PTPRF: variants seen among roughly 807,000 people sequenced by gnomAD.
PTPRF encodes protein tyrosine phosphatase receptor type F.
PTPRF carries 59 observed loss-of-function variants against 201.8 expected under a neutral mutation model. The ratio of observed to expected loss-of-function variants is 0.29; its 90% CI spans 0.24 to 0.36. PTPRF has a LOEUF of 0.36. Ranked by LOEUF, PTPRF falls within the 10% of genes least tolerant of loss-of-function variation. PTPRF has a pLI of 1.00. For synonymous variants in PTPRF, 1,088 were observed against 1,089.7 expected (o/e 1.00, Z 0.03); for missense variants, 2,132 against 2,690.5 (o/e 0.79, Z 4.59).
rs752563491 is a variant in PTPRF, at chr1:43,603,547, C to G, written c.2458+14C>G. 5.0e-6 allele frequency: 8 copies of G among 1,613,000 alleles called. No individual in the cohort carries two copies. The highest frequency in any genetic ancestry group is 6.8e-6 in the Non-Finnish European group (8 of 1,179,522). On this transcript the variant is annotated intron_variant, in intron 15 of 33. Transcript: ENST00000359947. This position sits in a 1 kb window ranked among gnomAD's most constrained non-coding sequence, Gnocchi z 5.8. Reference sequence around the variant, plus strand: ...CAACAGGTGCAGGTGAGTGAGGGGTCAGGACGGACCTGAGGGTGGGGCAGC... The same window carrying G: ...CAACAGGTGCAGGTGAGTGAGGGGTGAGGACGGACCTGAGGGTGGGGCAGC...
chr1:43,525,471 T>C (rs1643069858), upstream of PTPRF, among the ~76,000 whole-genome samples: 1 of 152,192 alleles, frequency 6.6e-6, no homozygotes, highest in Admixed American at 6.5e-5. Context: ...GCCCAGCCAT[T>C]AGCTTTGGCA....
chr1:43,558,193 A>G (rs937306070), intron 5 of PTPRF, among the ~76,000 whole-genome samples: 1 of 152,122 alleles, frequency 6.6e-6, no homozygotes, highest in Non-Finnish European at 1.5e-5. Flanking sequence ...TGAGTTGCAC[A>G]CAGCTCTCCC....
intron 5 of PTPRF, among the ~76,000 whole-genome samples, chr1:43,565,824 G>C (rs929187802): frequency 6.6e-6 from 1 of 152,184 alleles, no homozygotes; most frequent in Non-Finnish European, 1.5e-5. Flanking sequence ...GCGGTGCCAG[G>C]GCGGACAGCG....
At chr1:43,613,217 G>T in intron 22 of PTPRF, 1 of 318,356 alleles carries the variant, frequency 3.1e-6, no homozygotes, top group East Asian at 8.1e-5. Flanking sequence ...GTCTCCCATG[G>T]TGACTGCCAC....
At chr1:43,543,205 A>G (rs1452680501) in intron 2 of PTPRF, among the ~76,000 whole-genome samples, 3 of 152,216 alleles carry the variant, frequency 2.0e-5, no homozygotes, top group Non-Finnish European at 4.4e-5. Flanking sequence ...AGAGCCACTC[A>G]TAGTCCACCA....
chr1:43,562,125 T>C (rs1464218207), intron 5 of PTPRF, among the ~76,000 whole-genome samples: 1 of 152,068 alleles, frequency 6.6e-6, no homozygotes, highest in African/African-American at 2.4e-5. Context: ...GTTTTTTTTT[T>C]TGAGATGGTG....
In PTPRF at chr1:43,619,326, A is replaced by G; in HGVS notation, c.4685A>G (p.Asp1562Gly). 6.2e-7 allele frequency: 1 copy of G among 1,613,788 alleles called. No homozygotes were observed. The highest frequency in any genetic ancestry group is 8.5e-7 in the Non-Finnish European group (1 of 1,180,000). The change falls in exon 28 of 34, where the codon GAT (aspartate) becomes GGT (glycine). Residue 1562 changes from aspartate to glycine, a missense_variant. Around this residue, in one of 6 missense-constraint regions of PTPRF, gnomAD observed 519 missense variants for 659.5 expected, o/e 0.79. Coordinates refer to ENST00000359947, the MANE Select transcript of PTPRF (RefSeq NM_002840.5). The part of the protein sequence containing the change: ...VGRTGCFIVI[D>G]AMLERMKHEK... ...CGCACCGGCTGCTTCATCGTGATTG[A>G]TGCCATGTTGGAGCGGATGAAGCAC...
At chr1:43,617,308 C>T (rs1355718197) in intron 23 of PTPRF, 137 bp from the exon 24 acceptor site, 21 of 1,271,598 alleles carry the variant, frequency 1.7e-5, no homozygotes, top group Middle Eastern at 5.4e-4. Context: ...GCTGGCACCA[C>T]GAGATAGAGG....
At chr1:43,558,498 G>A (rs1645550136) in intron 5 of PTPRF, among the ~76,000 whole-genome samples, 1 of 152,172 alleles carries the variant, frequency 6.6e-6, no homozygotes, top group African/African-American at 2.4e-5. Flanking sequence ...TGCATACGAG[G>A]TGGGGGTGCC....
intron 26 of PTPRF, 117 bp from the exon 27 acceptor site, chr1:43,618,931 G>T (rs1658512868): frequency 2.7e-6 from 4 of 1,467,184 alleles, no homozygotes; most frequent in Non-Finnish European, 3.7e-6. Context: ...GCTACTCTGT[G>T]TGGCTTCTGA....
chr1:43,589,806 G>A (rs1373226121), intron 8 of PTPRF, among the ~76,000 whole-genome samples: 1 of 151,124 alleles, frequency 6.6e-6, no homozygotes, highest in Non-Finnish European at 1.5e-5. Flanking sequence ...AGGCTACAGT[G>A]ACGCAGTGAG....
In PTPRF at chr1:43,613,678, A is replaced by T. The variant is rs202114940; in HGVS notation, c.4034A>T (p.Lys1345Ile). 2 of 1,614,158 alleles carry T rather than the reference A, an allele frequency of 1.2e-6. No individual in the cohort carries two copies. The highest frequency in any genetic ancestry group is 2.2e-5 in the East Asian group (1 of 44,884). ...CTGGCGGACAACATCGAGCGCCTCAAAGCCAACGATGGCCTCAAGTTCTCC... is the reference window on the plus strand; with the variant it reads ...CTGGCGGACAACATCGAGCGCCTCATAGCCAACGATGGCCTCAAGTTCTCC... Reference protein sequence around the residue: ...TDLADNIERLKANDGLKFSQE... With the variant: ...TDLADNIERLIANDGLKFSQE... Residue 1345 changes from lysine (K) to isoleucine (I), a missense_variant, in exon 23 of 34, where the codon AAA becomes ATA. Coordinates refer to ENST00000359947, the MANE Select transcript of PTPRF (RefSeq NM_002840.5).
In PTPRF at chr1:43,588,424, T is replaced by C. The variant is rs1408594404; in HGVS notation, c.680-307T>C. On this transcript the variant is annotated intron_variant, in intron 7 of 33. Transcript: ENST00000359947. The surrounding 1 kb of genome is among the most constrained non-coding windows in gnomAD (Gnocchi z 5.3). ...CTTGTACTGAGTCCCTGTGTGACCC[T>C]GGGCAGACAGGACCTTCCTGACAGG... is the stretch of plus-strand genomic sequence containing the variant. Among the ~76,000 whole-genome samples, 1 of 152,184 alleles carries C rather than the reference T, an allele frequency of 6.6e-6. No homozygotes were observed.
chr1:43,535,956 G>C (rs1570888880), intron 1 of PTPRF, among the ~76,000 whole-genome samples: 1 of 152,080 alleles, frequency 6.6e-6, no homozygotes, highest in East Asian at 1.9e-4. Context: ...TTTTTTTAGA[G>C]ACAGGGTTTT....
At chr1:43,618,091 G>A (rs1379208079) in intron 25 of PTPRF, among the ~76,000 whole-genome samples, 180 bp downstream of exon 25, 2 of 152,210 alleles carry the variant, frequency 1.3e-5, no homozygotes, top group East Asian at 3.8e-4. Flanking sequence ...GATACAGCAT[G>A]TTCCCCACAT....
intron 7 of PTPRF, chr1:43,579,226 C>T (rs759839780): frequency 4.2e-5 from 25 of 594,560 alleles, no homozygotes; most frequent in Middle Eastern, 5.3e-4. Context: ...CCATCCAATC[C>T]GACTTCTTGG....
At chr1:43,607,110 A>C (rs1335851047) in intron 21 of PTPRF, 142 bp downstream of exon 21, 1 of 1,174,760 alleles carries the variant, frequency 8.5e-7, no homozygotes, top group African/African-American at 1.5e-5. Flanking sequence ...CAGGAAGGGC[A>C]GGAGCAGTGT....
intron 6 of PTPRF, chr1:43,576,040 C>T: frequency 9.8e-7 from 1 of 1,021,392 alleles, no homozygotes. Context: ...TCTTCAGCCT[C>T]CTCATCTCCA....
At chr1:43,601,102 T>A (rs957188556) in intron 13 of PTPRF, among the ~76,000 whole-genome samples, 2 of 152,196 alleles carry the variant, frequency 1.3e-5, no homozygotes, top group Non-Finnish European at 2.9e-5. Context: ...CAACAGAGTG[T>A]CCCAGGACAG....
Sources: gnomAD v4.1 joint callset for allele counts (sites outside exome capture counted in the v4.1 genomes callset) on GRCh38, gnomAD v4.1.1 for gene constraint, gnomAD v4.1.1 regional missense constraint, Gnocchi (gnomAD v3.1) non-coding constraint, MANE v1.5 for transcripts, NCBI Gene and HGNC (gene_info 2026-07-23, HGNC 2026-07-21) for gene names.